The following AHCYL2 variants were observed in gnomAD, a reference collection of about 807,000 sequenced individuals.
AHCYL2 encodes the protein S-adenosylhomocysteine hydrolase-like protein 2.
In AHCYL2, 28 loss-of-function variants were observed where a neutral mutation model predicts 81.4. The observed-to-expected ratio is 0.34, with a 90% CI of 0.25 to 0.47. The LOEUF (loss-of-function observed/expected upper bound fraction) is 0.47, where lower values mean the gene tolerates loss of function less well. AHCYL2 is among the 20% of genes least tolerant of loss of function. The pLI, the probability that AHCYL2 is intolerant of heterozygous loss-of-function variation, is 1.00. For synonymous variants in AHCYL2, 272 were observed against 290.2 expected (o/e 0.94, Z 0.64); for missense variants, 551 against 785.1 (o/e 0.70, Z 3.56).
chr7:129,279,295 G>A (rs1042703016), intron 1 of AHCYL2, among the ~76,000 whole-genome samples: 5 of 150,736 alleles, frequency 3.3e-5, no homozygotes, highest in African/African-American at 7.3e-5. Context: ...GATTACAGAC[G>A]CACGCCACAA....
At chr7:129,360,248 C>G (rs1000059390) in intron 1 of AHCYL2, among the ~76,000 whole-genome samples, 4 of 152,066 alleles carry the variant, frequency 2.6e-5, no homozygotes, top group Admixed American at 2.6e-4. Context: ...TCCCAAGTAG[C>G]TGGGATTACA....
chr7:129,398,296 C>A (rs1795841033), intron 5 of AHCYL2, among the ~76,000 whole-genome samples: 1 of 151,732 alleles, frequency 6.6e-6, no homozygotes, highest in African/African-American at 2.4e-5. Context: ...CAGGTGTGAG[C>A]CACCATGCCC....
chr7:129,273,148 C>T (rs935529889), intron 1 of AHCYL2, among the ~76,000 whole-genome samples: 11 of 151,932 alleles, frequency 7.2e-5, no homozygotes, highest in Admixed American at 5.3e-4. Flanking sequence ...GTGATCCATC[C>T]GCCTTAGCCT....
chr7:129,347,629 G>GT (rs1470754446), intron 1 of AHCYL2, among the ~76,000 whole-genome samples: 1 of 151,926 alleles, frequency 6.6e-6, no homozygotes, highest in Non-Finnish European at 1.5e-5. Context: ...CCTCACCTCT[G>GT]TTTTTTGTTT....
At chr7:129,250,025 G>A (rs1335400317) in intron 1 of AHCYL2, among the ~76,000 whole-genome samples, 1 of 152,292 alleles carries the variant, frequency 6.6e-6, no homozygotes, top group South Asian at 2.1e-4. Context: ...GGGGTACAAG[G>A]CTGGACGCAG....
At chr7:129,353,907 G>A (rs1245734676) in intron 1 of AHCYL2, among the ~76,000 whole-genome samples, 4 of 151,726 alleles carry the variant, frequency 2.6e-5, no homozygotes, top group East Asian at 3.9e-4. Context: ...GGAAATATGA[G>A]TATAATATCA....
intron 1 of AHCYL2, among the ~76,000 whole-genome samples, chr7:129,235,345 A>G (rs1189537215): frequency 1.3e-5 from 2 of 151,962 alleles, no homozygotes; most frequent in South Asian, 2.1e-4. Context: ...CCTGGGCTCA[A>G]GAGAGGCTTC....
chr7:129,377,933 T>A (rs1023346752), intron 1 of AHCYL2, among the ~76,000 whole-genome samples: 4 of 152,206 alleles, frequency 2.6e-5, no homozygotes, highest in Admixed American at 2.6e-4. Context: ...ATTCAATTAA[T>A]CTGCTCCTTC....
intron 1 of AHCYL2, among the ~76,000 whole-genome samples, chr7:129,295,671 T>C (rs1456498646): frequency 1.3e-5 from 2 of 152,198 alleles, no homozygotes; most frequent in Admixed American, 1.3e-4. Flanking sequence ...TAAAAATGAT[T>C]GTAAATTTAT....
intron 1 of AHCYL2, among the ~76,000 whole-genome samples, chr7:129,367,045 TTTGA>T (rs1388038758): frequency 2.6e-5 from 4 of 152,302 alleles, no homozygotes; most frequent in Admixed American, 6.5e-5. Flanking sequence ...CTTTTGAGTT[TTTGA>T]TTGGCCTCTT....
At chr7:129,298,716 T>G (rs1394359003) in intron 1 of AHCYL2, among the ~76,000 whole-genome samples, 1 of 152,250 alleles carries the variant, frequency 6.6e-6, no homozygotes, top group Non-Finnish European at 1.5e-5. Context: ...ATATTTGTCA[T>G]TCTACCAAGT....
In AHCYL2 at chr7:129,368,476, T is replaced by C. The variant is rs369703702; in HGVS notation, c.364-11162T>C. ...GCTTTCCCTTTTGCTTCAGGACATATCTTACCCAAGCCTGCACTATGGAGA... is the reference window on the plus strand; with the variant it reads ...GCTTTCCCTTTTGCTTCAGGACATACCTTACCCAAGCCTGCACTATGGAGA... On this transcript the variant is annotated intron_variant, in intron 1 of 16. Transcript: ENST00000325006. This position sits in a 1 kb window ranked among gnomAD's most constrained non-coding sequence, Gnocchi z 4.4. 61 of 1,613,888 alleles carry C rather than the reference T, an allele frequency of 3.8e-5. No homozygotes were observed. Among genetic ancestry groups the C allele is most frequent in the Non-Finnish European group, 5.1e-5 (60 of 1,179,900 alleles).
At chr7:129,320,362 A>C (rs979686437) in intron 1 of AHCYL2, among the ~76,000 whole-genome samples, 1 of 152,184 alleles carries the variant, frequency 6.6e-6, no homozygotes, top group Non-Finnish European at 1.5e-5. Flanking sequence ...TCTGTCACCT[A>C]GGCTGCAGTG....
At chr7:129,276,927 A>G (rs1796231351) in intron 1 of AHCYL2, among the ~76,000 whole-genome samples, 1 of 152,180 alleles carries the variant, frequency 6.6e-6, no homozygotes, top group Non-Finnish European at 1.5e-5. Flanking sequence ...AGATTATGAA[A>G]TAACAAATGT....
At chr7:129,339,542 A>AT (rs1329615593) in intron 1 of AHCYL2, among the ~76,000 whole-genome samples, 1 of 151,812 alleles carries the variant, frequency 6.6e-6, no homozygotes, top group Non-Finnish European at 1.5e-5. Context: ...TCTGGGGACT[A>AT]TTTTTTGCCA....
At position 129,406,874 on chromosome 7, in the gene AHCYL2, C is replaced by T. The variant is rs1796331004; in HGVS notation, c.1295+408C>T. 6.6e-6 allele frequency among the ~76,000 whole-genome samples: 1 copy of T among 152,176 alleles called. No individual in the cohort carries two copies. The highest frequency in any genetic ancestry group is 1.5e-5 in the Non-Finnish European group (1 of 68,034). On this transcript the variant is annotated intron_variant, in intron 10 of 16. Transcript: ENST00000325006. The surrounding 1 kb of genome is among the most constrained non-coding windows in gnomAD (Gnocchi z 4.3). ...AATCTAATTGTGAGGAAACATTAGA[C>T]CAATCCCAGTTAAGGGTAAAATCTA...
chr7:129,245,068 A>G (rs1034279048), intron 1 of AHCYL2, among the ~76,000 whole-genome samples: 4 of 139,848 alleles, frequency 2.9e-5, no homozygotes, highest in Non-Finnish European at 4.5e-5. Flanking sequence ...TCTGTTGCCC[A>G]GGCTGGAGTG....
intron 1 of AHCYL2, among the ~76,000 whole-genome samples, chr7:129,247,929 A>G (rs1448122747): frequency 6.6e-6 from 1 of 152,164 alleles, no homozygotes; most frequent in Non-Finnish European, 1.5e-5. Context: ...TGGTATAACA[A>G]AGAAATCTTT....
At chr7:129,261,930 G>A (rs1795657327) in intron 1 of AHCYL2, among the ~76,000 whole-genome samples, 1 of 152,024 alleles carries the variant, frequency 6.6e-6, no homozygotes, top group African/African-American at 2.4e-5. Flanking sequence ...AAGTTACTCT[G>A]GATAAAGAAA....
Sources: allele counts gnomAD v4.1 joint callset (sites outside exome capture counted in the v4.1 genomes callset), GRCh38; gene constraint gnomAD v4.1.1; non-coding constraint Gnocchi (gnomAD v3.1); transcripts MANE v1.5; gene names NCBI Gene and HGNC (gene_info 2026-07-23, HGNC 2026-07-21).